TMEM268: variants seen among roughly 807,000 people sequenced by gnomAD.
TMEM268 encodes the protein transmembrane protein 268, also known as transmembrane protein C9orf91.
TMEM268 carries 24 observed loss-of-function variants against 39.1 expected under a neutral mutation model. The observed-to-expected ratio is 0.61, with a 90% CI of 0.44 to 0.86. TMEM268 has a LOEUF of 0.86. TMEM268 is among the 40% of genes least tolerant of loss of function. The pLI is 0.00. For synonymous variants in TMEM268, 176 were observed against 173.5 expected, an observed-to-expected ratio of 1.01 and a Z score of -0.12; for missense variants, 409 against 428.6, an observed-to-expected ratio of 0.95 and a Z score of 0.40.
chr9:114,618,612 G>A (rs538272437), intron 2 of TMEM268, among the ~76,000 whole-genome samples: 1 of 150,322 alleles, frequency 6.7e-6, no homozygotes, highest in Non-Finnish European at 1.5e-5. Flanking sequence ...GCGGTGAGCC[G>A]AGATCACACC....
Position 114,617,155 on chromosome 9 carries a change from C to A in TMEM268, c.-41C>A. 7.4e-7 allele frequency: 1 copy of A among 1,348,566 alleles called. No homozygotes were observed. Among genetic ancestry groups the A allele is most frequent in the Non-Finnish European group, 1.0e-6 (1 of 961,220 alleles). The allele number at this position is 1,348,566 out of a possible 1,614,324, so 83.5% of individuals were successfully genotyped here. ...GAGCTGGCTGCTCCAGAATGAACCA[C>A]AGCTCTGAGAAGGGGAAGTAGAAAC... On this transcript the variant is annotated 5_prime_UTR_variant, in exon 2 of 9. Coordinates refer to ENST00000288502, the MANE Select transcript of TMEM268 (RefSeq NM_153045.4).
At chr9:114,612,927 G>GCTA (rs1171461490) in intron 1 of TMEM268, among the ~76,000 whole-genome samples, 1 of 152,238 alleles carries the variant, frequency 6.6e-6, no homozygotes, top group East Asian at 1.9e-4. Flanking sequence ...CTGAGAAGGT[G>GCTA]CTTAGGAAAT....
chr9:114,637,068 G>A lies in TMEM268; in HGVS notation c.664G>A (p.Glu222Lys). The A allele has an allele frequency of 1.2e-6, 2 of 1,600,646 alleles. No individual in the cohort carries two copies. Among genetic ancestry groups the A allele is most frequent in the South Asian group, 2.2e-5 (2 of 90,714 alleles). ...DHVQEMKTSQ[E>K]SLLRSRLSQL... ...TGTTCAAGAAATGAAGACTAGCCAA[G>A]AGGTAAGATATCTTCAGTGAAAAAA... Residue 222 changes from glutamate to lysine, a missense_variant and splice_region_variant, in exon 7 of 9, where the codon GAG (glutamate) becomes AAG (lysine). Physicochemically the swap from Glu to Lys is moderately conservative, Grantham distance 56. Coordinates refer to ENST00000288502, the MANE Select transcript of TMEM268 (RefSeq NM_153045.4).
intron 8 of TMEM268, among the ~76,000 whole-genome samples, chr9:114,641,653 T>C (rs1357079924): frequency 6.6e-6 from 1 of 152,196 alleles, no homozygotes; most frequent in South Asian, 2.1e-4. Context: ...CTTTTTTTTT[T>C]GAAACGGAGT....
the TMEM268 span, among the ~76,000 whole-genome samples, chr9:114,605,618 T>C: frequency 6.6e-6 from 1 of 152,160 alleles, no homozygotes; most frequent in Non-Finnish European, 1.5e-5. Context: ...CTCCTTTTTT[T>C]CCTACTTGAA....
chr9:114,611,941 G>C (rs1272692295), intron 1 of TMEM268, among the ~76,000 whole-genome samples: 1 of 152,254 alleles, frequency 6.6e-6, no homozygotes, highest in Non-Finnish European at 1.5e-5. Context: ...GCTCCAGCTG[G>C]CGTGAAGGAG....
upstream of TMEM268, among the ~76,000 whole-genome samples, chr9:114,610,223 G>C (rs1469830163): frequency 1.3e-5 from 2 of 152,116 alleles, no homozygotes; most frequent in Non-Finnish European, 2.9e-5. Context: ...ATTTTTAGTA[G>C]AGACGGGGTT....
chr9:114,623,220 G>A (rs919814091), intron 2 of TMEM268, among the ~76,000 whole-genome samples: 2 of 152,054 alleles, frequency 1.3e-5, no homozygotes, highest in Non-Finnish European at 2.9e-5. Flanking sequence ...GCGTGATCTC[G>A]GTTCACTGCA....
chr9:114,617,389 CA>C (rs1320537193), intron 2 of TMEM268, 88 bp downstream of exon 2: 2 of 1,021,228 alleles, frequency 2.0e-6, no homozygotes, highest in Non-Finnish European at 3.0e-6. Flanking sequence ...TAGATAAGGT[CA>C]GGGGGAGGTG....
chr9:114,611,277 G>A (rs906555238), upstream of TMEM268: 1 of 152,172 alleles, frequency 6.6e-6, no homozygotes, highest in Non-Finnish European at 1.5e-5. Flanking sequence ...GGCGTCCCGG[G>A]GGGGCGCTCG....
upstream of TMEM268, among the ~76,000 whole-genome samples, chr9:114,610,102 C>T (rs1845440566): frequency 6.6e-6 from 1 of 151,708 alleles, no homozygotes; most frequent in Admixed American, 6.6e-5. Context: ...TGCAATGGCG[C>T]AATCTCGGCT....
chr9:114,636,514 C>G (rs530355906), intron 6 of TMEM268, among the ~76,000 whole-genome samples: 79 of 151,000 alleles, frequency 5.2e-4, no homozygotes, highest in Non-Finnish European at 7.8e-4. Flanking sequence ...TCTTTCTTTT[C>G]TTTTCAGACA....
chr9:114,636,153 G>C (rs923197784), intron 6 of TMEM268, among the ~76,000 whole-genome samples: 2 of 152,186 alleles, frequency 1.3e-5, no homozygotes, highest in Non-Finnish European at 2.9e-5. Context: ...CTGTGGTCTT[G>C]ACAGGTTGTC....
At chr9:114,615,900 C>T (rs942076216) in intron 1 of TMEM268, among the ~76,000 whole-genome samples, 1 of 151,848 alleles carries the variant, frequency 6.6e-6, no homozygotes, top group African/African-American at 2.4e-5. Flanking sequence ...CCATGTTGGC[C>T]AGGCTGGTCT....
chr9:114,637,341 G>A (rs980662520), intron 7 of TMEM268, among the ~76,000 whole-genome samples: 1 of 146,444 alleles, frequency 6.8e-6, no homozygotes, highest in Non-Finnish European at 1.5e-5. Context: ...TGCCCAGACT[G>A]GAGTGCAGTA....
intron 3 of TMEM268, among the ~76,000 whole-genome samples, chr9:114,626,454 T>C (rs1846164412): frequency 1.3e-5 from 2 of 152,262 alleles, no homozygotes; most frequent in African/African-American, 4.8e-5. Context: ...ACTGGCCCTT[T>C]GCTCAGCACT....
At position 114,626,905 on chromosome 9, in the gene TMEM268, G is replaced by T. The variant is rs201893905; in HGVS notation, c.223G>T (p.Ala75Ser). 224 of 1,607,766 alleles carry T rather than the reference G, an allele frequency of 1.4e-4. No homozygotes were observed. The highest frequency in any genetic ancestry group is 1.9e-4 in the Non-Finnish European group (218 of 1,174,870). Residue 75 changes from alanine (A) to serine (S), a missense_variant, in exon 4 of 9, where the codon GCT becomes TCT. Transcript: ENST00000288502. Reference protein sequence around the residue: ...QLQTWGIQVPADQYRSLAESA... With the variant: ...QLQTWGIQVPSDQYRSLAESA... The stretch of plus-strand genomic sequence containing the variant: ...TTCCCTGGGTTCCAAGCAGGTCCCG[G>T]CTGACCAGTACAGGAGCTTGGCTGA...
At position 114,617,268 on chromosome 9, in the gene TMEM268, C is replaced by A. The variant is rs373164511; in HGVS notation, c.73C>A (p.Leu25Met). ...CCCCTCCTCCCCTGGCTGGAGTGCC[C>A]TGCCTGGAGGGAGCCCTCCTGGCTG... ...LPPSSPGWSA[L>M]PGGSPPGWGQ... The change falls in exon 2 of 9, where the codon CTG (leucine) becomes ATG (methionine). Residue 25 changes from leucine (L) to methionine (M), a missense_variant. By Grantham distance (15) the Leu-to-Met change is conservative. Coordinates refer to ENST00000288502, the MANE Select transcript of TMEM268 (RefSeq NM_153045.4). The A allele has an allele frequency of 1.9e-6, 3 of 1,613,352 alleles. No homozygotes were observed. The highest frequency in any genetic ancestry group is 2.5e-6 in the Non-Finnish European group (3 of 1,179,610).
chr9:114,628,110 G>A lies in TMEM268; in HGVS notation c.334G>A (p.Val112Met). 1.2e-6 allele frequency: 2 copies of A among 1,613,658 alleles called. No homozygotes were observed. The highest frequency in any genetic ancestry group is 4.5e-5 in the East Asian group (2 of 44,862). Residue 112 changes from valine (V) to methionine (M), a missense_variant, in exon 5 of 9, where the codon GTG becomes ATG. Transcript: ENST00000288502. Reference sequence around the variant, plus strand: ...GTCTGGCATCTTGCAGGTTTTCTATGTGGTGGTGTGGGCCAATATCTACTC... The same window carrying A: ...GTCTGGCATCTTGCAGGTTTTCTATATGGTGGTGTGGGCCAATATCTACTC... The part of the protein sequence containing the change: ...MRLAFAVVFY[V>M]VVWANIYSTS...
Sources: allele counts gnomAD v4.1 joint callset (sites outside exome capture counted in the v4.1 genomes callset), GRCh38; gene constraint gnomAD v4.1.1; transcripts MANE v1.5; gene names NCBI Gene and HGNC (gene_info 2026-07-23, HGNC 2026-07-21).